F8: variants seen among roughly 807,000 people sequenced by gnomAD.
The protein encoded by F8 is coagulation factor VIII.
In F8, 12 loss-of-function variants were observed where a neutral mutation model predicts 140.6. That is an observed-to-expected ratio of 0.09 (90% CI 0.05 to 0.14). The LOEUF (loss-of-function observed/expected upper bound fraction) is 0.14. Among genes scored for constraint, F8 ranks in the 10% least tolerant of loss-of-function variants. The pLI is 1.00. For missense variants in F8, 1,354 were observed against 1,720.7 expected (o/e 0.79, Z 3.77); for synonymous variants, 585 against 614.6 (o/e 0.95, Z 0.71).
intron 25 of F8, among the ~76,000 whole-genome samples, chrX:154,860,037 G>C (rs2072677900): frequency 9.0e-6 from 1 of 111,440 alleles, no homozygotes; most frequent in African/African-American, 3.3e-5. Flanking sequence ...ATACCAAAGA[G>C]AGGAACTATT....
chrX:154,931,776 T>C lies in F8; in HGVS notation c.2114-100A>G, dbSNP rs36044968. ...CATTCCCAGATAAATGAAAAAATAC[T>C]AGTCAGTATCATTATATCACAGGTC... On this transcript the variant is annotated intron_variant, in intron 13 of 25. Coordinates refer to ENST00000360256, the MANE Select transcript of F8 (RefSeq NM_000132.4). 1,738 of 708,828 alleles carry C rather than the reference T, an allele frequency of 2.5e-3. 28 individuals are homozygous for C. In the Admixed American group the frequency reaches 0.037, roughly 15 times the overall value. 58.4% of individuals were successfully genotyped at this position (708,828 alleles called of 1,213,427 possible).
rs2073565973 is a variant in F8 at position 154,987,505 on chromosome X, T to C, written c.602-200A>G. Among the ~76,000 whole-genome samples, 3 of 112,350 alleles carry C rather than the reference T, an allele frequency of 2.7e-5. No homozygotes were observed. In the Admixed American group the frequency reaches 2.8e-4, roughly 11 times the overall value. ...ATCTGGAGCAAAGAATTTTTTTATT[T>C]CAACTTTGATGAAGACCACTACTTG... On this transcript the variant is annotated intron_variant, in intron 4 of 25. Transcript: ENST00000360256.
chrX:154,926,959 G>C (rs1468999054), intron 14 of F8, among the ~76,000 whole-genome samples: 1 of 111,525 alleles, frequency 9.0e-6, no homozygotes, highest in Non-Finnish European at 1.9e-5. Flanking sequence ...AACCTTTAAA[G>C]ATTAGGGGGA....
intron 1 of F8, among the ~76,000 whole-genome samples, chrX:155,012,845 C>G (rs931563705): frequency 9.1e-6 from 1 of 110,395 alleles, no homozygotes; most frequent in African/African-American, 3.3e-5. Context: ...CACGTCTCAA[C>G]TCATTTTATA....
intron 1 of F8, among the ~76,000 whole-genome samples, chrX:155,017,951 G>A (rs1293898415): frequency 9.0e-6 from 1 of 110,800 alleles, no homozygotes; most frequent in Non-Finnish European, 1.9e-5. Flanking sequence ...TGCCACCTCC[G>A]CCTCCTAGGT....
intron 1 of F8, among the ~76,000 whole-genome samples, chrX:155,002,556 C>T (rs781950082): frequency 9.1e-6 from 1 of 109,630 alleles, no homozygotes; most frequent in Non-Finnish European, 1.9e-5. Flanking sequence ...TGGACATAAG[C>T]ATTCTTGGTT....
At chrX:154,989,637 T>C (rs1336757641) in intron 4 of F8, among the ~76,000 whole-genome samples, 1 of 112,133 alleles carries the variant, frequency 8.9e-6, no homozygotes. Context: ...CATATGTTTG[T>C]CCATATAACT....
At position 154,904,879 on chromosome X, in the gene F8, G is replaced by A; in HGVS notation, c.5518C>T (p.His1840Tyr). The A allele has an allele frequency of 8.3e-7, 1 of 1,211,018 alleles. No individual in the cohort carries two copies. Among genetic ancestry groups the A allele is most frequent in the Non-Finnish European group, 1.1e-6 (1 of 895,115 alleles). Reference protein sequence around the residue: ...ETKTYFWKVQHHMAPTKDEFD... With the variant: ...ETKTYFWKVQYHMAPTKDEFD... ...TCATCTTTAGTGGGTGCCATATGATGTTGCACTTTCCAAAAGTAAGTTTTG... is the reference window on the plus strand; with the variant it reads ...TCATCTTTAGTGGGTGCCATATGATATTGCACTTTCCAAAAGTAAGTTTTG... Residue 1840 changes from histidine (H) to tyrosine (Y), a missense_variant, in exon 16 of 26, where the codon CAT (histidine) becomes TAT (tyrosine). Transcript: ENST00000360256.
At chrX:154,846,191 C>A (rs1279767400) in intron 25 of F8, among the ~76,000 whole-genome samples, 1 of 111,853 alleles carries the variant, frequency 8.9e-6, no homozygotes, top group Non-Finnish European at 1.9e-5. Context: ...TTTACATTTG[C>A]TGAGGAGTGC....
rs782005659 is a variant in F8 at position 154,935,518 on chromosome X, C to A, written c.2114-3842G>T. Among the ~76,000 whole-genome samples, 410 of 111,742 alleles carry A rather than the reference C, an allele frequency of 3.7e-3. 3 individuals carry two copies. Among genetic ancestry groups the A allele is most frequent in the African/African-American group, 0.013 (397 of 30,754 alleles). On this transcript the variant is annotated intron_variant, in intron 13 of 25. Coordinates refer to ENST00000360256, the MANE Select transcript of F8 (RefSeq NM_000132.4). ...AAAGAGGTTAGACCTCTTCTTCACA[C>A]CATACACAAAAATTTATTCAAACTA... is the stretch of plus-strand genomic sequence containing the variant.
intron 6 of F8, among the ~76,000 whole-genome samples, chrX:154,981,447 C>T (rs1465122745): frequency 1.9e-5 from 2 of 107,881 alleles, no homozygotes; most frequent in Non-Finnish European, 3.8e-5. Flanking sequence ...AGCCCAAACC[C>T]CTCTCCTCAA....
chrX:154,901,555 A>G (rs1363554320), intron 19 of F8, 113 bp from the exon 20 acceptor site: 5 of 584,365 alleles, frequency 8.6e-6, no homozygotes, highest in Non-Finnish European at 1.5e-5. Context: ...TAGTGTTTAA[A>G]TGTGCCAAGA....
chrX:154,912,047 T>G (rs894643027), intron 14 of F8, among the ~76,000 whole-genome samples: 1 of 112,111 alleles, frequency 8.9e-6, no homozygotes, highest in Non-Finnish European at 1.9e-5. Context: ...AATAGGATCC[T>G]TTGCTTTTTT....
At chrX:154,921,816 G>A (rs962420393) in intron 14 of F8, among the ~76,000 whole-genome samples, 22 of 108,084 alleles carry the variant, frequency 2.0e-4, no homozygotes, top group African/African-American at 4.4e-4. Flanking sequence ...ACTCATAGGT[G>A]GGAATTGAAC....
At chrX:154,944,464 AGT>A (rs782043225) in intron 13 of F8, among the ~76,000 whole-genome samples, 223 of 111,776 alleles carry the variant, frequency 2.0e-3, no homozygotes, top group African/African-American at 5.4e-3. Flanking sequence ...TCAAAACCAC[AGT>A]GAGATACCAT....
chrX:154,982,427 G>T (rs1387926879), intron 6 of F8, among the ~76,000 whole-genome samples: 15 of 83,084 alleles, frequency 1.8e-4, no homozygotes, highest in Non-Finnish European at 3.1e-4. Flanking sequence ...CAGCCTGGGC[G>T]ACAGCAAGAC....
intron 22 of F8, among the ~76,000 whole-genome samples, chrX:154,890,328 C>G (rs1557275082): frequency 5.4e-5 from 6 of 111,883 alleles, no homozygotes; most frequent in Non-Finnish European, 1.1e-4. Flanking sequence ...AGTGACTGTT[C>G]AAGGAATGAA....
chrX:154,844,150 A>G (rs1296306407), intron 25 of F8, among the ~76,000 whole-genome samples: 1 of 111,048 alleles, frequency 9.0e-6, no homozygotes, highest in African/African-American at 3.3e-5. Flanking sequence ...ATTGGTCTAT[A>G]TCTCTGTTTT....
intron 9 of F8, 68 bp from the exon 10 acceptor site, chrX:154,961,236 T>C: frequency 1.0e-5 from 7 of 683,502 alleles, no homozygotes; most frequent in Non-Finnish European, 1.6e-5. Context: ...AACTGTGGTC[T>C]AACTCCAGAT....
Sources: allele counts gnomAD v4.1 joint callset (sites outside exome capture counted in the v4.1 genomes callset), GRCh38; gene constraint gnomAD v4.1.1; transcripts MANE v1.5; gene names NCBI Gene and HGNC (gene_info 2026-07-23, HGNC 2026-07-21).